The following CDC40 variants were observed in gnomAD, a reference collection of about 807,000 sequenced individuals.
CDC40 encodes the protein pre-mRNA-processing factor 17.
A neutral mutation model predicts 80.6 loss-of-function variants in CDC40; 27 were observed. That is an observed-to-expected ratio of 0.33 (90% CI 0.25 to 0.46). The LOEUF is 0.46. CDC40 is among the 20% of genes least tolerant of loss of function. The pLI is 1.00. For synonymous variants in CDC40, 221 were observed against 232.6 expected, an observed-to-expected ratio of 0.95 and a Z score of 0.45; for missense variants, 486 against 694.1, an observed-to-expected ratio of 0.70 and a Z score of 3.37.
At chr6:110,225,381 C>CT (rs1351948978) in intron 12 of CDC40, among the ~76,000 whole-genome samples, 3 of 150,324 alleles carry the variant, frequency 2.0e-5, no homozygotes. Context: ...GCACTTAGAA[C>CT]TTTTGATGGT....
chr6:110,226,884 G>T (rs1018516269), intron 13 of CDC40, among the ~76,000 whole-genome samples: 2 of 151,730 alleles, frequency 1.3e-5, no homozygotes, highest in African/African-American at 4.8e-5. Flanking sequence ...AGCTGGCATG[G>T]TGGTGCACAT....
chr6:110,228,977 G>C lies in CDC40; in HGVS notation c.1562+1G>C. 1 of 1,598,554 alleles carries C rather than the reference G, an allele frequency of 6.3e-7. No individual in the cohort carries two copies. Among genetic ancestry groups the C allele is most frequent in the Non-Finnish European group, 8.5e-7 (1 of 1,174,754 alleles). On this transcript the variant is annotated splice_donor_variant, in intron 14 of 14. Transcript: ENST00000307731. LOFTEE classifies it high-confidence loss of function. ...AGGTGGACTTTTCACCAGACATGAG[G>C]TAAGTTTAAATCTTCTAATCCATTC...
intron 12 of CDC40, among the ~76,000 whole-genome samples, chr6:110,223,978 A>G (rs1449480157): frequency 6.6e-6 from 1 of 151,938 alleles, no homozygotes; most frequent in Non-Finnish European, 1.5e-5. Context: ...GACTACAGTA[A>G]TGCGCCACCA....
intron 8 of CDC40, among the ~76,000 whole-genome samples, chr6:110,215,067 G>A (rs1777681706): frequency 6.6e-6 from 1 of 152,046 alleles, no homozygotes; most frequent in South Asian, 2.1e-4. Flanking sequence ...TTAGTTTTGA[G>A]CGTGTGTGAC....
chr6:110,205,089 C>T (rs1020272782), intron 3 of CDC40, among the ~76,000 whole-genome samples: 1 of 151,992 alleles, frequency 6.6e-6, no homozygotes, highest in Non-Finnish European at 1.5e-5. Context: ...AAGGTTTTTT[C>T]ATATATTTAT....
intron 2 of CDC40, among the ~76,000 whole-genome samples, chr6:110,193,529 C>T (rs1022845404): frequency 5.9e-5 from 9 of 152,086 alleles, no homozygotes; most frequent in Non-Finnish European, 1.3e-4. Flanking sequence ...CTCAGCCTCC[C>T]GAGTAGCTGG....
At chr6:110,205,236 G>A (rs574183129) in intron 3 of CDC40, among the ~76,000 whole-genome samples, 2 of 152,122 alleles carry the variant, frequency 1.3e-5, no homozygotes, top group South Asian at 2.1e-4. Flanking sequence ...TAAGACTGCC[G>A]AAGGGAAGAA....
Position 110,217,593 on chromosome 6 carries a change from A to G in CDC40, c.989-109A>G, listed in dbSNP as rs560789446. The G allele has an allele frequency of 1.0e-5, 7 of 668,510 alleles. No homozygotes were observed. The South Asian group carries it at 1.1e-4, about 10-fold the overall frequency. The allele number at this position is 668,510 out of a possible 1,614,324, so 41.4% of individuals were successfully genotyped here. On this transcript the variant is annotated intron_variant, in intron 9 of 14. Coordinates refer to ENST00000307731, the MANE Select transcript of CDC40 (RefSeq NM_015891.3). ...TGGCATTCCAGTGATCTTGACTCAC[A>G]GCTGAGAACCACTGCTTAGTGCTGT...
At chr6:110,206,464 A>G (rs1413949331) in intron 3 of CDC40, among the ~76,000 whole-genome samples, 2 of 152,236 alleles carry the variant, frequency 1.3e-5, no homozygotes, top group African/African-American at 4.8e-5. Context: ...GTGCTAGCAC[A>G]CCCATTTGAG....
intron 2 of CDC40, among the ~76,000 whole-genome samples, chr6:110,200,134 T>G (rs1397332858): frequency 1.3e-5 from 2 of 152,214 alleles, no homozygotes; most frequent in African/African-American, 4.8e-5. Context: ...ATAAAAGCTT[T>G]GTATATAAAT....
chr6:110,229,941 C>G lies in CDC40; in HGVS notation c.1563-13C>G. On this transcript the variant is annotated splice_polypyrimidine_tract_variant and intron_variant, in intron 14 of 14. Transcript: ENST00000307731. ...ATTTTAATAATTTGAATTTATCTTT[C>G]TTCCCATTATAGTTATGTGATTTCA... is the stretch of plus-strand genomic sequence containing the variant. The G allele has an allele frequency of 6.4e-7, 1 of 1,553,944 alleles. No individual in the cohort carries two copies. Among genetic ancestry groups the G allele is most frequent in the East Asian group, 2.3e-5 (1 of 44,430 alleles).
At chr6:110,215,395 G>A (rs1777687578) in intron 9 of CDC40, 64 bp downstream of exon 9, 1 of 1,277,470 alleles carries the variant, frequency 7.8e-7, no homozygotes, top group South Asian at 1.2e-5. Context: ...TAACATCATT[G>A]ACAATAACTT....
chr6:110,193,860 T>C (rs111820325), intron 2 of CDC40, among the ~76,000 whole-genome samples: 1,937 of 152,326 alleles, frequency 0.013, 47 homozygotes, highest in African/African-American at 0.045. Flanking sequence ...AAATATGAAC[T>C]TAGTTGACAT....
chr6:110,180,705 G>A, intron 1 of CDC40, 72 bp downstream of exon 1: 1 of 1,108,546 alleles, frequency 9.0e-7, no homozygotes, highest in Admixed American at 1.8e-5. Context: ...CCGCTTGTTA[G>A]GTACCGGGTT....
At chr6:110,199,520 G>A (rs1216663947) in intron 2 of CDC40, among the ~76,000 whole-genome samples, 1 of 151,682 alleles carries the variant, frequency 6.6e-6, no homozygotes, top group African/African-American at 2.4e-5. Flanking sequence ...TGTGAACCCG[G>A]GAGGCAGAGC....
chr6:110,210,047 T>G (rs914367848), intron 5 of CDC40, among the ~76,000 whole-genome samples: 6 of 152,116 alleles, frequency 3.9e-5, no homozygotes, highest in African/African-American at 1.2e-4. Flanking sequence ...AAAACAACAT[T>G]ATGTGCTAAA....
chr6:110,188,896 G>T (rs1777309112), intron 1 of CDC40, among the ~76,000 whole-genome samples: 1 of 152,182 alleles, frequency 6.6e-6, no homozygotes, highest in Non-Finnish European at 1.5e-5. Flanking sequence ...CATCTATTAA[G>T]TGTATACTGA....
chr6:110,201,825 TCC>T, intron 3 of CDC40, 138 bp downstream of exon 3: 1 of 535,644 alleles, frequency 1.9e-6, no homozygotes, highest in Non-Finnish European at 3.2e-6. Flanking sequence ...CCTATACATA[TCC>T]TTAAATATTT....
chr6:110,226,192 A>G lies in CDC40; in HGVS notation c.1366A>G (p.Ile456Val), dbSNP rs753250452. 1.2e-6 allele frequency: 2 copies of G among 1,609,344 alleles called. No individual in the cohort carries two copies. Among genetic ancestry groups the G allele is most frequent in the Non-Finnish European group, 8.5e-7 (1 of 1,176,622 alleles). The change falls in exon 13 of 15, where the codon ATA (isoleucine) becomes GTA (valine). Residue 456 changes from isoleucine to valine, a missense_variant. By Grantham distance (29) the Ile-to-Val change is conservative (BLOSUM62 3). This residue lies in a region of CDC40 where 17 missense variants were observed against 63.3 expected (regional missense o/e 0.27). Coordinates refer to ENST00000307731, the MANE Select transcript of CDC40 (RefSeq NM_015891.3). ...EWDIPVDFKY[I>V]AEPSMHSMPA... ...GGATATCCCTGTGGATTTCAAGTAC[A>G]TAGCAGAACCCAGTATGCACTCAAT...
Sources: allele counts gnomAD v4.1 joint callset (sites outside exome capture counted in the v4.1 genomes callset), GRCh38; gene constraint gnomAD v4.1.1; regional missense constraint gnomAD v4.1.1; transcripts MANE v1.5; gene names NCBI Gene and HGNC (gene_info 2026-07-23, HGNC 2026-07-21).